INTS6L: variants seen among roughly 807,000 people sequenced by gnomAD.
INTS6L encodes the protein integrator complex subunit 6 like.
A neutral mutation model predicts 64.7 loss-of-function variants in INTS6L; 18 were observed. The observed-to-expected ratio is 0.28, with a 90% confidence interval of 0.19 to 0.41. The LOEUF is 0.41. Among genes scored for constraint, INTS6L ranks in the 10% least tolerant of loss-of-function variants. The pLI is 1.00. For synonymous variants in INTS6L, 227 were observed against 235.9 expected (o/e 0.96, Z 0.34); for missense variants, 533 against 661.0 (o/e 0.81, Z 2.12).
rs1556534834 is a variant in INTS6L at position 135,581,876 on chromosome X, T to G, written c.*240T>G. 2 of 301,060 alleles carry G rather than the reference T, an allele frequency of 6.6e-6. No homozygotes were observed. Among genetic ancestry groups the G allele is most frequent in the Non-Finnish European group, 1.2e-5 (2 of 172,425 alleles). 24.8% of individuals were successfully genotyped at this position (301,060 alleles called of 1,213,427 possible). A position where few individuals can be genotyped will look rare whatever the true frequency, so the allele number is the denominator to read the frequency against. On this transcript the variant is annotated 3_prime_UTR_variant, in exon 18 of 18. Coordinates refer to ENST00000639893, the MANE Select transcript of INTS6L (RefSeq NM_001351601.3). The stretch of plus-strand genomic sequence containing the variant: ...CCTCAATTGAGGAAGCTGATGTTAT[T>G]AATTCACAGGCTAAATTCGGTAAAC...
chrX:135,542,417 G>C (rs782090425), intron 2 of INTS6L, among the ~76,000 whole-genome samples: 80 of 110,078 alleles, frequency 7.3e-4, no homozygotes, highest in African/African-American at 2.6e-3. Flanking sequence ...AGAATCGCTT[G>C]AACCTGGGAG....
At chrX:135,530,521 T>G (rs782776754) in intron 2 of INTS6L, among the ~76,000 whole-genome samples, 1 of 112,567 alleles carries the variant, frequency 8.9e-6, no homozygotes, top group East Asian at 2.8e-4. Context: ...TGATAAATGC[T>G]TTTCTTATGA....
At chrX:135,566,875 T>C (rs2086965342) in intron 9 of INTS6L, among the ~76,000 whole-genome samples, 1 of 111,743 alleles carries the variant, frequency 8.9e-6, no homozygotes, top group African/African-American at 3.3e-5. Context: ...GTGTAAAAAA[T>C]AAACTTTAGT....
rs1208697953 is a variant in INTS6L at position 135,560,962 on chromosome X, T to TC, written c.1192+4662_1192+4663insC. 8.3e-4 allele frequency among the ~76,000 whole-genome samples: 84 copies of TC among 100,724 alleles called. 1 individual carries two copies. Among genetic ancestry groups the TC allele is most frequent in the South Asian group, 2.5e-3 (5 of 1,997 alleles). 87.5% of individuals were successfully genotyped at this position (100,724 alleles called of 115,157 possible). A position where few individuals can be genotyped will look rare whatever the true frequency, so the allele number is the denominator to read the frequency against. On this transcript the variant is annotated intron_variant, in intron 9 of 17. Transcript: ENST00000639893. ...CTTTTTTTTTTTTCTTTTCTTTCTT[T>TC]TTTTTTTTGAGATGGAATCTTGCTG...
At chrX:135,563,814 G>C (rs2086862150) in intron 9 of INTS6L, among the ~76,000 whole-genome samples, 2 of 108,878 alleles carry the variant, frequency 1.8e-5, no homozygotes, top group Admixed American at 9.9e-5. Context: ...CTGTAAGTGA[G>C]GTATTGTTTT....
intron 9 of INTS6L, among the ~76,000 whole-genome samples, chrX:135,558,035 A>G (rs2086687105): frequency 8.9e-6 from 1 of 112,566 alleles, no homozygotes; most frequent in African/African-American, 3.2e-5. Context: ...CAAATGGTTA[A>G]CAAGCATATC....
Position 135,579,899 on chromosome X carries a change from A to T in INTS6L, c.2231A>T (p.Asp744Val). The T allele has an allele frequency of 8.3e-7, 1 of 1,211,623 alleles. No individual in the cohort carries two copies. Among genetic ancestry groups the T allele is most frequent in the Non-Finnish European group, 1.1e-6 (1 of 895,472 alleles). ...APSELINMTG[D>V]LMPPNQVDSL... ...TCAGAGCTTATAAATATGACAGGAG[A>T]TCTTATGCCACCCAACCAAGTGGAT... The change falls in exon 16 of 18, where the codon GAT becomes GTT. Residue 744 changes from aspartate (D) to valine (V), a missense_variant. Transcript: ENST00000639893.
chrX:135,581,539 G>A lies in INTS6L; in HGVS notation c.2600G>A (p.Arg867Gln), dbSNP rs1556534507. 1.4e-5 allele frequency: 17 copies of A among 1,196,957 alleles called. No individual in the cohort carries two copies. Among genetic ancestry groups the A allele is most frequent in the African/African-American group, 1.8e-5 (1 of 56,576 alleles). The change falls in exon 18 of 18, where the codon CGA becomes CAA. Residue 867 changes from arginine (R) to glutamine (Q), a missense_variant. Arg to Gln is a conservative substitution (Grantham distance 43, BLOSUM62 1). Coordinates refer to ENST00000639893, the MANE Select transcript of INTS6L (RefSeq NM_001351601.3). The stretch of plus-strand genomic sequence containing the variant: ...CTCTTTATTTTCAGGTTTAAAAGAC[G>A]AGTCCTAATTCAGTACCTTGAGAAG... ...TIKEAARFKRRVLIQYLEKVL... is the reference protein window; with the variant it reads ...TIKEAARFKRQVLIQYLEKVL...
rs1371641254 is a variant in INTS6L at position 135,521,061 on chromosome X, T to G, written c.69T>G (p.Ser23=). 2 of 1,211,354 alleles carry G rather than the reference T, an allele frequency of 1.7e-6. No individual in the cohort carries two copies. Among genetic ancestry groups the G allele is most frequent in the East Asian group, 5.9e-5 (2 of 33,808 alleles). ...ACCAGCGCACTGACCTGGGCACCTC[T>G]TATTTGGACATTGCCAAAGGCGCTG... is the stretch of plus-strand genomic sequence containing the variant. The part of the protein sequence containing the change: ...SMNQRTDLGT[S]YLDIAKGAVE... Residue 23 remains serine, a synonymous_variant, in exon 1 of 18, where the codon TCT becomes TCG. Transcript: ENST00000639893.
chrX:135,528,303 C>A (rs782007137), intron 2 of INTS6L, among the ~76,000 whole-genome samples: 16 of 111,712 alleles, frequency 1.4e-4, no homozygotes, highest in Non-Finnish European at 2.6e-4. Context: ...TGTCACTTAG[C>A]CATAGACCTA....
Position 135,520,891 on chromosome X carries a change from G to T in INTS6L, c.-102G>T, listed in dbSNP as rs1556495718. The T allele has an allele frequency of 2.3e-6, 2 of 877,430 alleles. No homozygotes were observed. The highest frequency in any genetic ancestry group is 1.6e-6 in the Non-Finnish European group (1 of 611,704). The allele number at this position is 877,430 out of a possible 1,213,427, so 72.3% of individuals were successfully genotyped here. ...TCTCCCCCTCTTCCTCTTGCTCCTT[G>T]CTCCCCGGCTCTGCGAGAGTTGAGG... On this transcript the variant is annotated 5_prime_UTR_variant, in exon 1 of 18. Transcript: ENST00000639893.
At chrX:135,551,294 A>T (rs893457107) in intron 7 of INTS6L, among the ~76,000 whole-genome samples, 8 of 111,754 alleles carry the variant, frequency 7.2e-5, no homozygotes, top group Non-Finnish European at 1.5e-4. Flanking sequence ...GGTGCTCTCC[A>T]ATCACACAAG....
chrX:135,533,297 G>A (rs1251831027), intron 2 of INTS6L, among the ~76,000 whole-genome samples: 1 of 111,783 alleles, frequency 8.9e-6, no homozygotes, highest in East Asian at 2.8e-4. Flanking sequence ...TTGGTGAACA[G>A]ACAGACTAAC....
chrX:135,563,617 ATATG>A (rs1383984764), intron 9 of INTS6L, among the ~76,000 whole-genome samples: 1 of 6,708 alleles, frequency 1.5e-4, no homozygotes, highest in African/African-American at 2.8e-4. Context: ...GTATATATCC[ATATG>A]TGTGTGTGTG....
intron 2 of INTS6L, among the ~76,000 whole-genome samples, chrX:135,535,310 T>G (rs2086024972): frequency 8.9e-6 from 1 of 112,255 alleles, no homozygotes; most frequent in African/African-American, 3.2e-5. Flanking sequence ...ATTTCAACAG[T>G]TTAAGGTGAT....
Position 135,577,441 on chromosome X carries a change from GT to G in INTS6L, c.2119+16del. On this transcript the variant is annotated intron_variant, in intron 15 of 17. Transcript: ENST00000639893. ...TTGTACATACAGGTATAGAGTAGTG[GT>G]TGTGATTTCCTTATGGCTCCTAGAG... 1.7e-6 allele frequency: 2 copies of G among 1,197,096 alleles called. No individual in the cohort carries two copies. The highest frequency in any genetic ancestry group is 3.6e-5 in the South Asian group (2 of 56,105).
chrX:135,573,758 C>T (rs2087149957), intron 12 of INTS6L, among the ~76,000 whole-genome samples, 181 bp from the exon 13 acceptor site: 2 of 112,469 alleles, frequency 1.8e-5, no homozygotes, highest in Admixed American at 1.9e-4. Context: ...CTTTAATACC[C>T]TGTAGGTGTG....
chrX:135,535,303 T>G (rs781818341), intron 2 of INTS6L, among the ~76,000 whole-genome samples: 3 of 112,328 alleles, frequency 2.7e-5, no homozygotes, highest in Non-Finnish European at 3.8e-5. Context: ...CAAAGATATT[T>G]CAACAGTTTA....
intron 9 of INTS6L, among the ~76,000 whole-genome samples, chrX:135,563,087 C>T (rs1479859593): frequency 5.4e-5 from 6 of 110,710 alleles, no homozygotes; most frequent in African/African-American, 1.6e-4. Flanking sequence ...GTTATTTAAA[C>T]GTTTTTTAGA....
Sources: gnomAD v4.1 joint callset for allele counts (sites outside exome capture counted in the v4.1 genomes callset) on GRCh38, gnomAD v4.1.1 for gene constraint, MANE v1.5 for transcripts, NCBI Gene and HGNC (gene_info 2026-07-23, HGNC 2026-07-21) for gene names.